Variants in TNFSF15 observed in about 807,000 individuals in gnomAD.
The protein encoded by TNFSF15 is TNF superfamily member 15, also known as tumor necrosis factor ligand superfamily member 15.
TNFSF15 carries 15 observed loss-of-function variants against 26.4 expected under a neutral mutation model. That is an observed-to-expected ratio of 0.57 (90% CI 0.38 to 0.87). The LOEUF (loss-of-function observed/expected upper bound fraction) is 0.87, where lower values mean the gene tolerates loss of function less well. Among genes scored for constraint, TNFSF15 ranks in the 40% least tolerant of loss-of-function variants. The probability of loss-of-function intolerance (pLI) is 0.00; values close to 1 mark genes in which losing one functional copy is unlikely to be tolerated. For synonymous variants in TNFSF15, 116 were observed against 115.0 expected (o/e 1.01, Z -0.06); for missense variants, 290 against 306.1 (o/e 0.95, Z 0.39).
chr9:114,797,221 T>G (rs139487980), intron 1 of TNFSF15, among the ~76,000 whole-genome samples: 1 of 152,364 alleles, frequency 6.6e-6, no homozygotes, highest in South Asian at 2.1e-4. Context: ...GTCATTAGCA[T>G]GTATCTGAGC....
intron 1 of TNFSF15, among the ~76,000 whole-genome samples, chr9:114,794,027 T>G (rs920962818): frequency 6.6e-6 from 1 of 152,216 alleles, no homozygotes; most frequent in African/African-American, 2.4e-5. Flanking sequence ...CTTGTTTCTG[T>G]GCAATACATA....
At chr9:114,797,513 AG>A (rs1342058406) in intron 1 of TNFSF15, among the ~76,000 whole-genome samples, 1 of 152,288 alleles carries the variant, frequency 6.6e-6, no homozygotes, top group African/African-American at 2.4e-5. Flanking sequence ...GATAGGAAGC[AG>A]TAATGAATGA....
chr9:114,803,323 C>T (rs1354647187), intron 1 of TNFSF15, among the ~76,000 whole-genome samples: 3 of 152,198 alleles, frequency 2.0e-5, no homozygotes, highest in African/African-American at 7.2e-5. Flanking sequence ...ATACACAATG[C>T]TCCTTCTGCA....
chr9:114,802,654 G>A (rs1436073406), intron 1 of TNFSF15, among the ~76,000 whole-genome samples: 1 of 152,158 alleles, frequency 6.6e-6, no homozygotes, highest in Non-Finnish European at 1.5e-5. Flanking sequence ...ACTCTCTGCT[G>A]GGCCAGTAGT....
chr9:114,805,018 T>C (rs538944800), intron 1 of TNFSF15, among the ~76,000 whole-genome samples: 1 of 152,348 alleles, frequency 6.6e-6, no homozygotes, highest in African/African-American at 2.4e-5. Flanking sequence ...ATCTTTGTTG[T>C]TCCCAGCCAA....
In TNFSF15 at chr9:114,805,852, A is replaced by T; in HGVS notation, c.161T>A (p.Leu54Gln). 1 of 1,613,926 alleles carries T rather than the reference A, an allele frequency of 6.2e-7. No individual in the cohort carries two copies. Residue 54 changes from leucine (L) to glutamine (Q), a missense_variant, in exon 1 of 4, where the codon CTG (leucine) becomes CAG (glutamine). Coordinates refer to ENST00000374045, the MANE Select transcript of TNFSF15 (RefSeq NM_005118.4). Reference protein sequence around the residue: ...LPFLAGLTTYLLVSQLRAQGE... With the variant: ...LPFLAGLTTYQLVSQLRAQGE... ...CTGGGCCCGGAGCTGGCTGACAAGC[A>T]GGTATGTGGTGAGTCCTGCAAGGAA... is the stretch of plus-strand genomic sequence containing the variant.
At chr9:114,800,933 C>A (rs902475546) in intron 1 of TNFSF15, among the ~76,000 whole-genome samples, 4 of 152,110 alleles carry the variant, frequency 2.6e-5, no homozygotes, top group African/African-American at 9.7e-5. Flanking sequence ...GAGGCCTCAG[C>A]AGGGAAGAAT....
chr9:114,790,997 A>T (rs1321763211), intron 3 of TNFSF15, 91 bp from the exon 4 acceptor site: 1 of 1,310,300 alleles, frequency 7.6e-7, no homozygotes, highest in Non-Finnish European at 1.1e-6. Flanking sequence ...AAATAGACTA[A>T]AGTGATCGAA....
Position 114,792,259 on chromosome 9 carries a change from ACACACACT to A in TNFSF15, c.301+140_301+147del, listed in dbSNP as rs1290881239. On this transcript the variant is annotated intron_variant, in intron 3 of 3. Transcript: ENST00000374045. ...CACACACACACACACACACACACAC[ACACACACT>A]GGAATATTGAGGGGAGGAGTCTCTT... 1.1e-4 allele frequency: 81 copies of A among 707,938 alleles called. No homozygotes were observed. In the African/African-American group the frequency reaches 1.5e-3, roughly 13 times the overall value. 43.9% of individuals were successfully genotyped at this position (707,938 alleles called of 1,614,324 possible). A position where few individuals can be genotyped will look rare whatever the true frequency, so the allele number is the denominator to read the frequency against.
intron 3 of TNFSF15, 194 bp from the exon 4 acceptor site, chr9:114,791,100 A>C (rs1587897853): frequency 1.6e-6 from 1 of 639,710 alleles, no homozygotes; most frequent in African/African-American, 1.8e-5. Flanking sequence ...AACATCTTGG[A>C]CTAGTGACCT....
chr9:114,788,862 C>T lies in TNFSF15; in HGVS notation c.*1590G>A, dbSNP rs977987291. On this transcript the variant is annotated 3_prime_UTR_variant, in exon 4 of 4. Coordinates refer to ENST00000374045, the MANE Select transcript of TNFSF15 (RefSeq NM_005118.4). ...GCCTCTCCTGCCCTTGACATATTAGCGTAGGAAAATCATACGGACTAGAGG... is the reference window on the plus strand; with the variant it reads ...GCCTCTCCTGCCCTTGACATATTAGTGTAGGAAAATCATACGGACTAGAGG... 8 of 152,170 alleles carry T rather than the reference C, an allele frequency of 5.3e-5. No homozygotes were observed. The highest frequency in any genetic ancestry group is 1.2e-4 in the Non-Finnish European group (8 of 68,026). 9.4% of individuals were successfully genotyped at this position (152,170 alleles called of 1,614,324 possible).
At chr9:114,797,905 C>T (rs1161818141) in intron 1 of TNFSF15, among the ~76,000 whole-genome samples, 1 of 152,198 alleles carries the variant, frequency 6.6e-6, no homozygotes, top group Non-Finnish European at 1.5e-5. Context: ...GACCTATATT[C>T]CTAGTGCCTC....
intron 1 of TNFSF15, among the ~76,000 whole-genome samples, chr9:114,796,293 G>C (rs1829671312): frequency 6.6e-6 from 1 of 152,010 alleles, no homozygotes; most frequent in Non-Finnish European, 1.5e-5. Context: ...CCTTCAGAGG[G>C]CTTTTTCTAA....
rs753547590 is a variant in TNFSF15 at position 114,805,783 on chromosome 9, C to G, written c.210+20G>C. On this transcript the variant is annotated intron_variant, in intron 1 of 3. Coordinates refer to ENST00000374045, the MANE Select transcript of TNFSF15 (RefSeq NM_005118.4). Reference sequence around the variant, plus strand: ...AGAGTCCACTGCTCCTCCCCAAGGTCAGAGTGCCATGTGGCTTACCTGGAA... The same window carrying G: ...AGAGTCCACTGCTCCTCCCCAAGGTGAGAGTGCCATGTGGCTTACCTGGAA... 1.2e-6 allele frequency: 2 copies of G among 1,610,338 alleles called. No homozygotes were observed. The highest frequency in any genetic ancestry group is 8.5e-7 in the Non-Finnish European group (1 of 1,178,496).
rs928906041 is a variant in TNFSF15 at position 114,790,371 on chromosome 9, C to G, written c.*81G>C. 4.6e-5 allele frequency: 65 copies of G among 1,414,316 alleles called. No homozygotes were observed. The highest frequency in any genetic ancestry group is 6.8e-5 in the Admixed American group (3 of 44,210). The allele number at this position is 1,414,316 out of a possible 1,614,324, so 87.6% of individuals were successfully genotyped here. ...CCCTACTCCCGGCCCCAAGAAAACC[C>G]CTGGTTATAATTACATTTGAACAAA... On this transcript the variant is annotated 3_prime_UTR_variant, in exon 4 of 4. Transcript: ENST00000374045.
intron 2 of TNFSF15, 73 bp from the exon 3 acceptor site, chr9:114,792,527 G>T: frequency 6.2e-7 from 1 of 1,607,852 alleles, no homozygotes; most frequent in Non-Finnish European, 8.5e-7. Context: ...TTTGTGAGTT[G>T]CATGGCGCCT....
chr9:114,805,775 C>T, intron 1 of TNFSF15, 28 bp downstream of exon 1: 2 of 1,608,412 alleles, frequency 1.2e-6, no homozygotes, highest in Non-Finnish European at 8.5e-7. Context: ...ACTGCTCCTC[C>T]CCAAGGTCAG....
At chr9:114,797,499 T>C (rs1011980275) in intron 1 of TNFSF15, among the ~76,000 whole-genome samples, 1 of 152,228 alleles carries the variant, frequency 6.6e-6, no homozygotes, top group Non-Finnish European at 1.5e-5. Flanking sequence ...AGGAAAATTA[T>C]TGTGATAGGA....
At chr9:114,796,112 T>TC (rs1235154106) in intron 1 of TNFSF15, among the ~76,000 whole-genome samples, 1 of 152,232 alleles carries the variant, frequency 6.6e-6, no homozygotes, top group African/African-American at 2.4e-5. Flanking sequence ...CCTGAAATTT[T>TC]CTTTTTTTCT....
Sources: allele counts gnomAD v4.1 joint callset (sites outside exome capture counted in the v4.1 genomes callset), GRCh38; gene constraint gnomAD v4.1.1; transcripts MANE v1.5; gene names NCBI Gene and HGNC (gene_info 2026-07-23, HGNC 2026-07-21).